Variants in SFXN3 observed in about 807,000 individuals in gnomAD.
The protein encoded by SFXN3 is sideroflexin 3.
SFXN3 carries 31 observed loss-of-function variants against 40.4 expected under a neutral mutation model. The observed-to-expected ratio is 0.77, with a 90% CI of 0.58 to 1.04. The LOEUF is 1.04. Among genes scored for constraint, SFXN3 ranks in the 50% least tolerant of loss-of-function variants. The pLI is 0.00. For synonymous variants in SFXN3, 157 were observed against 160.0 expected (o/e 0.98, Z 0.14); for missense variants, 366 against 408.2 (o/e 0.90, Z 0.89).
intron 1 of SFXN3, 191 bp from the exon 2 acceptor site, chr10:101,032,123 G>T (rs1180323902): frequency 1.8e-5 from 5 of 280,830 alleles, no homozygotes; most frequent in South Asian, 2.5e-4. Context: ...AGGGCTGGGG[G>T]TCTGCTGAGG....
chr10:101,034,223 C>T (rs999763241), intron 2 of SFXN3, among the ~76,000 whole-genome samples: 6 of 152,142 alleles, frequency 3.9e-5, no homozygotes, highest in Non-Finnish European at 7.3e-5. Flanking sequence ...GGGCAGAAGT[C>T]CCTGTGGCTT....
rs533189872 is a variant in SFXN3, at chr10:101,037,741, A to G, written c.771+310A>G. ...TCTCATGCTCATTCTTTTACCCCCT[A>G]GTGCCTCCATACTGAGAGGTACACA... On this transcript the variant is annotated intron_variant, in intron 9 of 11. Transcript: ENST00000393459. The G allele has an allele frequency of 2.3e-6, 3 of 1,321,086 alleles. No homozygotes were observed. In the South Asian group the frequency reaches 5.2e-5, roughly 23 times the overall value. 81.8% of individuals were successfully genotyped at this position (1,321,086 alleles called of 1,614,324 possible).
chr10:101,033,688 G>A (rs977790045), intron 2 of SFXN3, among the ~76,000 whole-genome samples: 5 of 152,126 alleles, frequency 3.3e-5, no homozygotes, highest in South Asian at 2.1e-4. Context: ...CACCGGCACC[G>A]GTCTCTGAGT....
Position 101,039,361 on chromosome 10 carries a change from G to A in SFXN3, c.870-128G>A. 8.3e-7 allele frequency: 1 copy of A among 1,198,202 alleles called. No homozygotes were observed. 74.2% of individuals were successfully genotyped at this position (1,198,202 alleles called of 1,614,324 possible). A position where few individuals can be genotyped will look rare whatever the true frequency, so the allele number is the denominator to read the frequency against. The stretch of plus-strand genomic sequence containing the variant: ...TGATTCTGGGAGTGGGGGAATGACA[G>A]TGAGCCAGTCCTTCTGGCAGTAGAA... On this transcript the variant is annotated intron_variant, in intron 11 of 11. Coordinates refer to ENST00000393459, the Ensembl canonical transcript of SFXN3. This position sits in a 1 kb window ranked among gnomAD's most constrained non-coding sequence, Gnocchi z 4.6.
chr10:101,037,611 A>G, intron 9 of SFXN3, 180 bp downstream of exon 9: 1 of 1,484,326 alleles, frequency 6.7e-7, no homozygotes, highest in Non-Finnish European at 8.9e-7. Flanking sequence ...GGGTGAAGGA[A>G]CTCTGCAGGG....
chr10:101,032,532 GA>G, intron 2 of SFXN3, 50 bp downstream of exon 2: 3 of 1,509,910 alleles, frequency 2.0e-6, no homozygotes, highest in Non-Finnish European at 1.8e-6. Flanking sequence ...GGGGGTCAGA[GA>G]AGGAGGCCTG....
exon 8 of SFXN3, chr10:101,037,194 C>T: frequency 6.2e-7 from 1 of 1,613,908 alleles, no homozygotes; most frequent in Non-Finnish European, 8.5e-7. Flanking sequence ...CATGGCGATT[C>T]CTGCCATGGG....
chr10:101,033,015 A>G (rs1564648463), intron 2 of SFXN3, among the ~76,000 whole-genome samples: 1 of 152,176 alleles, frequency 6.6e-6, no homozygotes, highest in African/African-American at 2.4e-5. Flanking sequence ...GCCAGGGACC[A>G]GGGAGAGCCT....
chr10:101,035,751 G>T, intron 4 of SFXN3, 84 bp downstream of exon 4: 1 of 1,513,632 alleles, frequency 6.6e-7, no homozygotes, highest in East Asian at 2.3e-5. Context: ...TGGGCCAACT[G>T]GGTGAGTGAA....
Position 101,034,741 on chromosome 10 carries a change from A to T in SFXN3, c.47A>T (p.Asp16Val), listed in dbSNP as rs1185522084. Residue 16 changes from aspartate to valine, a missense_variant, in exon 3 of 12, where the codon GAC becomes GTC. By Grantham distance (152) the Asp-to-Val change is radical. Transcript: ENST00000393459. ...ATCAACATCCAGGAACCTCGCTGGG[A>T]CCAAAGTACTTTCCTGGGCAGAGCC... 12 of 1,614,138 alleles carry T rather than the reference A, an allele frequency of 7.4e-6. No homozygotes were observed. In the East Asian group the frequency reaches 2.2e-4, roughly 30 times the overall value.
chr10:101,034,740 G>C, exon 3 of SFXN3: 3 of 1,614,132 alleles, frequency 1.9e-6, no homozygotes, highest in Non-Finnish European at 2.5e-6. Flanking sequence ...ACCTCGCTGG[G>C]ACCAAAGTAC....
At position 101,039,269 on chromosome 10, in the gene SFXN3, G is replaced by T. The variant is rs760809183; in HGVS notation, c.869+47G>T. 6.5e-7 allele frequency: 1 copy of T among 1,537,504 alleles called. No individual in the cohort carries two copies. Among genetic ancestry groups the T allele is most frequent in the Non-Finnish European group, 8.9e-7 (1 of 1,126,292 alleles). The stretch of plus-strand genomic sequence containing the variant: ...GGTGGGGGACTCTGGATTGGACTCT[G>T]CATCTCTGGACCAGCTGACCTAGGG... On this transcript the variant is annotated intron_variant, in intron 11 of 11. Coordinates refer to ENST00000393459, the Ensembl canonical transcript of SFXN3. The surrounding 1 kb of genome is among the most constrained non-coding windows in gnomAD (Gnocchi z 4.6).
exon 12 of SFXN3, chr10:101,040,167 G>C (rs1368564618): frequency 1.3e-5 from 2 of 157,218 alleles, no homozygotes; most frequent in Non-Finnish European, 2.8e-5. Context: ...AGGGAGGCAG[G>C]GGACTTATGC....
chr10:101,034,387 G>C (rs575093555), intron 2 of SFXN3, among the ~76,000 whole-genome samples: 5 of 152,354 alleles, frequency 3.3e-5, no homozygotes, highest in Non-Finnish European at 7.3e-5. Context: ...GTTTTTGTGA[G>C]CTCCAGATTG....
chr10:101,037,322 C>T, intron 8 of SFXN3, 60 bp from the exon 9 acceptor site: 1 of 1,614,118 alleles, frequency 6.2e-7, no homozygotes, highest in Non-Finnish European at 8.5e-7. Flanking sequence ...TCACCCTTCA[C>T]AGTTCCTGAC....
chr10:101,031,256 C>T (rs189057341), exon 1 of SFXN3: 3 of 152,460 alleles, frequency 2.0e-5, no homozygotes, highest in Non-Finnish European at 2.9e-5. Context: ...CCCTTAGGCG[C>T]CAGGGACAGC....
At chr10:101,033,614 G>T (rs140892974) in intron 2 of SFXN3, among the ~76,000 whole-genome samples, 2,886 of 152,316 alleles carry the variant, frequency 0.019, 49 homozygotes, top group Middle Eastern at 0.031. Context: ...ATAAGACACA[G>T]AGACAAAGTA....
intron 4 of SFXN3, 150 bp from the exon 5 acceptor site, chr10:101,035,853 T>G: frequency 9.2e-7 from 1 of 1,086,202 alleles, no homozygotes; most frequent in Non-Finnish European, 1.4e-6. Flanking sequence ...TAAATGGGGG[T>G]GGGGGTACAT....
chr10:101,036,024 C>G lies in SFXN3; in HGVS notation c.354C>G (p.Phe118Leu), dbSNP rs758334970. 31 of 1,613,948 alleles carry G rather than the reference C, an allele frequency of 1.9e-5. No homozygotes were observed. Among genetic ancestry groups the G allele is most frequent in the Non-Finnish European group, 2.6e-5 (31 of 1,179,964 alleles). ...TCAGGAAGACCCCAACCGTGGTGTT[C>G]TGGCAGTGGGTGAATCAGTCCTTCA... is the stretch of plus-strand genomic sequence containing the variant. Residue 118 changes from phenylalanine to leucine, a missense_variant, in exon 5 of 12, where the codon TTC (phenylalanine) becomes TTG (leucine). Coordinates refer to ENST00000393459, the Ensembl canonical transcript of SFXN3. The surrounding 1 kb of genome is among the most constrained non-coding windows in gnomAD (Gnocchi z 4.2).
Sources: allele counts gnomAD v4.1 joint callset (sites outside exome capture counted in the v4.1 genomes callset), GRCh38; gene constraint gnomAD v4.1.1; non-coding constraint Gnocchi (gnomAD v3.1); transcripts MANE v1.5; gene names NCBI Gene and HGNC (gene_info 2026-07-23, HGNC 2026-07-21).